The following FRMPD3 variants were observed in gnomAD, a reference collection of about 807,000 sequenced individuals.
FRMPD3 encodes FERM and PDZ domain containing 3, also known as FERM and PDZ domain-containing protein 3.
In FRMPD3, 42 loss-of-function variants were observed where a neutral mutation model predicts 97.9. That is an observed-to-expected ratio of 0.43 (90% CI 0.34 to 0.55). The LOEUF is 0.55. Among genes scored for constraint, FRMPD3 ranks in the 20% least tolerant of loss-of-function variants. FRMPD3 has a pLI of 0.03. For synonymous variants in FRMPD3, 577 were observed against 581.1 expected (o/e 0.99, Z 0.10); for missense variants, 1,303 against 1,457.7 (o/e 0.89, Z 1.73).
chrX:107,546,499 A>G (rs1168526324), intron 5 of FRMPD3, among the ~76,000 whole-genome samples: 2 of 112,386 alleles, frequency 1.8e-5, no homozygotes, highest in Non-Finnish European at 3.8e-5. Context: ...GTAATATTTG[A>G]CAGCCCATGC....
At chrX:107,465,620 C>T (rs767592327) in intron 1 of FRMPD3, among the ~76,000 whole-genome samples, 50 of 111,777 alleles carry the variant, frequency 4.5e-4, no homozygotes, top group Middle Eastern at 4.6e-3. Context: ...TGGTAAGTGA[C>T]AACCACCTAT....
intron 1 of FRMPD3, among the ~76,000 whole-genome samples, chrX:107,489,672 T>G (rs1921604238): frequency 8.9e-6 from 1 of 112,337 alleles, no homozygotes; most frequent in Admixed American, 9.4e-5. Context: ...TTGCCCACTT[T>G]TTGATGGGGT....
At chrX:107,583,902 T>G (rs1285915247) in intron 13 of FRMPD3, among the ~76,000 whole-genome samples, 1 of 102,472 alleles carries the variant, frequency 9.8e-6, no homozygotes, top group Admixed American at 1.1e-4. Flanking sequence ...AGAGTCTCAC[T>G]CTGTTGCCCA....
chrX:107,564,842 C>A (rs751364032), intron 11 of FRMPD3, 45 bp from the exon 12 acceptor site: 30 of 1,187,014 alleles, frequency 2.5e-5, no homozygotes, highest in African/African-American at 3.5e-5. Context: ...CCCACCTCCT[C>A]CACCCTTCCT....
intron 1 of FRMPD3, among the ~76,000 whole-genome samples, chrX:107,508,821 G>T (rs1922095823): frequency 1.8e-5 from 2 of 111,804 alleles, no homozygotes; most frequent in Non-Finnish European, 1.9e-5. Context: ...TGTACTAAGT[G>T]CCATGCCTGT....
chrX:107,461,761 A>G (rs1425274751), intron 1 of FRMPD3, among the ~76,000 whole-genome samples: 1 of 67,535 alleles, frequency 1.5e-5, no homozygotes, highest in Non-Finnish European at 2.7e-5. Context: ...AATTCATTAT[A>G]CATATACATA....
intron 4 of FRMPD3, among the ~76,000 whole-genome samples, chrX:107,536,740 C>T (rs752899334): frequency 5.9e-4 from 66 of 111,959 alleles, no homozygotes; most frequent in Non-Finnish European, 1.2e-3. Context: ...TAAAAAACTG[C>T]CAGACTGTTT....
In FRMPD3 at chrX:107,560,773, G is replaced by A. The variant is rs1033912902; in HGVS notation, c.946G>A (p.Val316Ile). The change falls in exon 10 of 15, where the codon GTC becomes ATC. Residue 316 changes from valine (V) to isoleucine (I), a missense_variant. Coordinates refer to ENST00000683843, the MANE Select transcript of FRMPD3 (RefSeq NM_001388459.1). Reference sequence around the variant, plus strand: ...CTTTCTTCCCCCCTCCCTCCTGCAGGTCATCAAAGAGAAGAACCTCCGGAA... The same window carrying A: ...CTTTCTTCCCCCCTCCCTCCTGCAGATCATCAAAGAGAAGAACCTCCGGAA... ...EPFLPPSLLQ[V>I]IKEKNLRKSL... The A allele has an allele frequency of 7.7e-6, 9 of 1,173,500 alleles. No individual in the cohort carries two copies. Among genetic ancestry groups the A allele is most frequent in the Non-Finnish European group, 9.1e-6 (8 of 876,633 alleles).
intron 1 of FRMPD3, among the ~76,000 whole-genome samples, chrX:107,466,827 A>G (rs1931573261): frequency 8.9e-6 from 1 of 111,854 alleles, no homozygotes; most frequent in Admixed American, 9.4e-5. Flanking sequence ...TCCCACCTTT[A>G]GCCAAGAGAC....
intron 1 of FRMPD3, among the ~76,000 whole-genome samples, chrX:107,471,789 G>C (rs1351945335): frequency 8.9e-6 from 1 of 112,252 alleles, no homozygotes; most frequent in Non-Finnish European, 1.9e-5. Context: ...ATAGTAGAAT[G>C]ATTTATATTC....
At chrX:107,533,587 A>C in intron 4 of FRMPD3, 37 bp downstream of exon 4, 1 of 1,154,760 alleles carries the variant, frequency 8.7e-7, no homozygotes, top group Non-Finnish European at 1.2e-6. Context: ...CTTCCTCCTG[A>C]CTGAGAAGAG....
intron 5 of FRMPD3, 116 bp downstream of exon 5, chrX:107,545,957 G>A (rs1921580258): frequency 3.8e-6 from 2 of 529,534 alleles, no homozygotes; most frequent in Non-Finnish European, 6.3e-6. Context: ...TAGAGTGGGA[G>A]CGTCCAGGTG....
At chrX:107,572,478 A>G (rs1253135569) in intron 12 of FRMPD3, among the ~76,000 whole-genome samples, 1 of 111,759 alleles carries the variant, frequency 8.9e-6, no homozygotes, top group East Asian at 2.8e-4. Context: ...TGTGCTTTAG[A>G]AAGAGCCTTC....
At chrX:107,450,041 C>T (rs1402814052) in intron 1 of FRMPD3, among the ~76,000 whole-genome samples, 36 bp downstream of exon 1, 4 of 110,632 alleles carry the variant, frequency 3.6e-5, no homozygotes, top group Admixed American at 1.9e-4. Flanking sequence ...GGCGCGCCCG[C>T]TGTCTCAGCC....
intron 1 of FRMPD3, among the ~76,000 whole-genome samples, chrX:107,468,420 C>T: frequency 8.9e-6 from 1 of 112,195 alleles, no homozygotes; most frequent in Non-Finnish European, 1.9e-5. Flanking sequence ...GTGAACAGGA[C>T]AGACAAAATC....
At chrX:107,551,209 G>A (rs764390067) in intron 6 of FRMPD3, among the ~76,000 whole-genome samples, 1 of 111,519 alleles carries the variant, frequency 9.0e-6, no homozygotes, top group South Asian at 3.9e-4. Flanking sequence ...TCCCTGAATG[G>A]AGAATTTTTT....
intron 1 of FRMPD3, among the ~76,000 whole-genome samples, chrX:107,522,222 C>T (rs1173755861): frequency 3.6e-5 from 4 of 111,687 alleles, no homozygotes; most frequent in Non-Finnish European, 5.6e-5. Context: ...GGCTCCCCTT[C>T]TCTGCTCCTC....
chrX:107,577,959 A>G (rs781029038), intron 13 of FRMPD3, among the ~76,000 whole-genome samples: 2 of 111,988 alleles, frequency 1.8e-5, no homozygotes, highest in East Asian at 5.6e-4. Flanking sequence ...ATAGTAAGAA[A>G]CCAGGGGGCT....
intron 1 of FRMPD3, among the ~76,000 whole-genome samples, chrX:107,457,742 G>A (rs1168705564): frequency 8.9e-6 from 1 of 111,824 alleles, no homozygotes; most frequent in Non-Finnish European, 1.9e-5. Context: ...ACCTCAGTAG[G>A]AACTTGCTTA....
Sources: gnomAD v4.1 joint callset for allele counts (sites outside exome capture counted in the v4.1 genomes callset) on GRCh38, gnomAD v4.1.1 for gene constraint, MANE v1.5 for transcripts, NCBI Gene and HGNC (gene_info 2026-07-23, HGNC 2026-07-21) for gene names.